Variants in PLCB1 observed in about 807,000 individuals in gnomAD.
PLCB1 encodes phospholipase C beta 1.
A neutral mutation model predicts 161.8 loss-of-function variants in PLCB1; 46 were observed. The ratio of observed to expected loss-of-function variants is 0.28; its 90% CI spans 0.22 to 0.36. The LOEUF (loss-of-function observed/expected upper bound fraction) is 0.36, where lower values mean the gene tolerates loss of function less well. PLCB1 is among the 10% of genes least tolerant of loss of function. PLCB1 has a pLI of 1.00. For synonymous variants in PLCB1, 517 were observed against 503.7 expected (o/e 1.03, Z -0.35); for missense variants, 1,016 against 1,472.5 (o/e 0.69, Z 5.07).
In PLCB1 at chr20:8,132,708, CG is replaced by C; in HGVS notation, c.58del (p.Asp20ThrfsTer24). ...ALQLKPVCVS[D>X]SLKKGTKFVK... ...TGCAACTCAAGCCCGTGTGCGTGTCCGACAGCCTCAAGAAGGGCACCAAATT... is the reference window on the plus strand; with the variant it reads ...TGCAACTCAAGCCCGTGTGCGTGTCCACAGCCTCAAGAAGGGCACCAAATT... On this transcript the variant is annotated frameshift_variant, in exon 1 of 32. Coordinates refer to ENST00000338037, the MANE Select transcript of PLCB1 (RefSeq NM_015192.4). LOFTEE classifies it high-confidence loss of function. The surrounding 1 kb of genome is among the most constrained non-coding windows in gnomAD (Gnocchi z 5.2). 1.9e-6 allele frequency: 3 copies of C among 1,612,934 alleles called. No homozygotes were observed. The highest frequency in any genetic ancestry group is 2.5e-6 in the Non-Finnish European group (3 of 1,179,332).
intron 2 of PLCB1, among the ~76,000 whole-genome samples, chr20:8,298,973 A>G (rs1258663264): frequency 1.3e-5 from 2 of 151,366 alleles, no homozygotes; most frequent in Non-Finnish European, 2.9e-5. Context: ...TGCAAAAGTA[A>G]TTGCAATTAC....
At position 8,135,979 on chromosome 20, in the gene PLCB1, G is replaced by C. The variant is rs184412121; in HGVS notation, c.99+3229G>C. On this transcript the variant is annotated intron_variant, in intron 1 of 31. Coordinates refer to ENST00000338037, the MANE Select transcript of PLCB1 (RefSeq NM_015192.4). The stretch of plus-strand genomic sequence containing the variant: ...GGATCTTGGCCTTGGTCTATATTGG[G>C]CAGGACATGGAGAGAAAGAGCAAGG... Among the ~76,000 whole-genome samples the C allele has an allele frequency of 6.7e-4, 102 of 152,214 alleles. 1 individual carries two copies. The highest frequency in any genetic ancestry group is 7.4e-5 in the Non-Finnish European group (5 of 68,010).
chr20:8,821,617 T>C (rs1985427597), intron 31 of PLCB1, among the ~76,000 whole-genome samples: 2 of 148,116 alleles, frequency 1.4e-5, no homozygotes, highest in African/African-American at 2.5e-5. Context: ...CAGTTTACTG[T>C]AAGAATAATT....
intron 3 of PLCB1, among the ~76,000 whole-genome samples, chr20:8,593,963 C>A (rs537776664): frequency 6.6e-6 from 1 of 152,268 alleles, no homozygotes; most frequent in African/African-American, 2.4e-5. Context: ...TAGCTCACTG[C>A]AGCCTCAACC....
chr20:8,383,505 T>C (rs923446416), intron 3 of PLCB1, among the ~76,000 whole-genome samples: 1 of 152,344 alleles, frequency 6.6e-6, no homozygotes, highest in Middle Eastern at 3.4e-3. Flanking sequence ...GTCTGTGTCT[T>C]TTAATTGTAA....
rs143707047 is a variant in PLCB1 at position 8,814,846 on chromosome 20, C to T, written c.3423+24585C>T. On this transcript the variant is annotated intron_variant, in intron 31 of 31. Transcript: ENST00000338037. ...GTTTTGACATAAGTTGGACTGACAC[C>T]TTCATTTAGCAGATGTAGAAAGAGG... 2.2e-3 allele frequency among the ~76,000 whole-genome samples: 336 copies of T among 152,270 alleles called. 2 individuals are homozygous for T. The highest frequency in any genetic ancestry group is 0.019 in the Admixed American group (293 of 15,300).
chr20:8,293,451 A>G (rs897476337), intron 2 of PLCB1, among the ~76,000 whole-genome samples: 15 of 152,156 alleles, frequency 9.9e-5, no homozygotes, highest in Admixed American at 9.2e-4. Context: ...GAAAAGCCAC[A>G]AAGAGTAAAA....
intron 3 of PLCB1, among the ~76,000 whole-genome samples, chr20:8,383,093 A>G (rs1600361371): frequency 6.6e-6 from 1 of 151,728 alleles, no homozygotes. Flanking sequence ...ATACTTGTAA[A>G]TTTTCTGTCT....
At chr20:8,332,343 C>G (rs1169360498) in intron 2 of PLCB1, among the ~76,000 whole-genome samples, 1 of 152,122 alleles carries the variant, frequency 6.6e-6, no homozygotes, top group Non-Finnish European at 1.5e-5. Context: ...TTTATTTGTT[C>G]CTTGCAAACA....
chr20:8,684,474 G>A (rs1035869301), intron 9 of PLCB1, among the ~76,000 whole-genome samples: 3 of 150,526 alleles, frequency 2.0e-5, no homozygotes, highest in African/African-American at 7.3e-5. Context: ...GGCTGGTCTC[G>A]AGCTCCTGAC....
intron 10 of PLCB1, among the ~76,000 whole-genome samples, chr20:8,688,784 T>G (rs1164699228): frequency 6.6e-6 from 1 of 152,166 alleles, no homozygotes; most frequent in African/African-American, 2.4e-5. Context: ...AGTGTGATGC[T>G]TCCAGATTTG....
Position 8,196,542 on chromosome 20 carries a change from A to G in PLCB1, c.177+46171A>G, listed in dbSNP as rs1272935374. On this transcript the variant is annotated intron_variant, in intron 2 of 31. Transcript: ENST00000338037. ...CTTACTAGCTGGGTTAGGAAAAGGG[A>G]TAAAGATACATGTGCTGCAGTGCGT... Among the ~76,000 whole-genome samples the G allele has an allele frequency of 4.6e-5, 7 of 151,988 alleles. No homozygotes were observed. The South Asian group carries it at 8.3e-4, about 18-fold the overall frequency.
intron 2 of PLCB1, among the ~76,000 whole-genome samples, chr20:8,197,961 G>C (rs1600229239): frequency 6.6e-6 from 1 of 152,136 alleles, no homozygotes; most frequent in South Asian, 2.1e-4. Context: ...TCAAAGATCA[G>C]ATAGTTATAG....
chr20:8,620,169 G>A (rs1321158433), intron 3 of PLCB1, among the ~76,000 whole-genome samples: 1 of 152,072 alleles, frequency 6.6e-6, no homozygotes, highest in East Asian at 1.9e-4. Flanking sequence ...TGTACATAAA[G>A]AATTAATATA....
At chr20:8,363,797 G>T (rs1986619482) in intron 2 of PLCB1, among the ~76,000 whole-genome samples, 1 of 152,144 alleles carries the variant, frequency 6.6e-6, no homozygotes, top group African/African-American at 2.4e-5. Flanking sequence ...AGGAAATTGT[G>T]CAGTTGACCA....
chr20:8,351,333 AT>A (rs1164850026), intron 2 of PLCB1, among the ~76,000 whole-genome samples: 1 of 152,138 alleles, frequency 6.6e-6, no homozygotes, highest in African/African-American at 2.4e-5. Flanking sequence ...TACAAAAAAA[AT>A]TAACTCAAAA....
At chr20:8,442,635 T>A (rs916323017) in intron 3 of PLCB1, among the ~76,000 whole-genome samples, 1 of 152,226 alleles carries the variant, frequency 6.6e-6, no homozygotes, top group African/African-American at 2.4e-5. Context: ...AAAGGGTTAG[T>A]GAAATCCCAG....
chr20:8,239,901 G>A (rs1207693434), intron 2 of PLCB1, among the ~76,000 whole-genome samples: 2 of 151,862 alleles, frequency 1.3e-5, no homozygotes, highest in East Asian at 1.9e-4. Flanking sequence ...CTAAGGTTTT[G>A]GGTACAAATC....
intron 31 of PLCB1, among the ~76,000 whole-genome samples, chr20:8,847,561 C>T (rs1986732327): frequency 6.6e-6 from 1 of 152,108 alleles, no homozygotes; most frequent in Non-Finnish European, 1.5e-5. Context: ...GGCTGAATGT[C>T]GAACCATTCA....
Sources: allele counts gnomAD v4.1 joint callset (sites outside exome capture counted in the v4.1 genomes callset), GRCh38; gene constraint gnomAD v4.1.1; non-coding constraint Gnocchi (gnomAD v3.1); transcripts MANE v1.5; gene names NCBI Gene and HGNC (gene_info 2026-07-23, HGNC 2026-07-21).